The following MYO6 variants were observed in gnomAD, a reference collection of about 807,000 sequenced individuals.
MYO6 encodes the protein myosin VI, also known as unconventional myosin-VI.
MYO6 carries 74 observed loss-of-function variants against 178.7 expected under a neutral mutation model. The ratio of observed to expected loss-of-function variants is 0.41; its 90% CI spans 0.34 to 0.50. The LOEUF (loss-of-function observed/expected upper bound fraction) is 0.50. MYO6 is among the 20% of genes least tolerant of loss of function. MYO6 has a pLI of 0.09. For missense variants in MYO6, 1,330 were observed against 1,547.4 expected (o/e 0.86, Z 2.36); for synonymous variants, 477 against 504.6 (o/e 0.95, Z 0.73).
At chr6:75,869,131 T>C (rs1303881910) in intron 18 of MYO6, among the ~76,000 whole-genome samples, 1 of 143,142 alleles carries the variant, frequency 7.0e-6, no homozygotes, top group African/African-American at 2.7e-5. Flanking sequence ...GATGAAGGAG[T>C]CTGGACTTTG....
chr6:75,820,846 T>C (rs919689543), intron 2 of MYO6, among the ~76,000 whole-genome samples: 3 of 152,134 alleles, frequency 2.0e-5, no homozygotes, highest in Non-Finnish European at 4.4e-5. Flanking sequence ...TTAGCTTTCC[T>C]TTACTCTTTG....
chr6:75,847,402 G>C (rs1274880133), intron 10 of MYO6, among the ~76,000 whole-genome samples: 1 of 152,036 alleles, frequency 6.6e-6, no homozygotes, highest in Non-Finnish European at 1.5e-5. Flanking sequence ...TCATGATCCT[G>C]TTATTTAATG....
At chr6:75,830,297 G>C in intron 4 of MYO6, 119 bp from the exon 5 acceptor site, 1 of 824,606 alleles carries the variant, frequency 1.2e-6, no homozygotes, top group Admixed American at 2.2e-5. Context: ...GACTGATTTG[G>C]GAGTCTTAGT....
chr6:75,868,653 T>C (rs921718350), intron 18 of MYO6, among the ~76,000 whole-genome samples: 1 of 152,116 alleles, frequency 6.6e-6, no homozygotes, highest in African/African-American at 2.4e-5. Context: ...TACCTTGAAA[T>C]GAAATAGGAA....
intron 1 of MYO6, among the ~76,000 whole-genome samples, chr6:75,750,369 A>G (rs920136607): frequency 1.3e-5 from 2 of 152,120 alleles, no homozygotes; most frequent in African/African-American, 2.4e-5. Flanking sequence ...TGCTGGGATT[A>G]CAGGCGTGAG....
chr6:75,802,777 G>A (rs1277892140), intron 1 of MYO6, among the ~76,000 whole-genome samples: 1 of 152,094 alleles, frequency 6.6e-6, no homozygotes, highest in African/African-American at 2.4e-5. Context: ...ATGAGCCACT[G>A]CACCTGGTGG....
intron 9 of MYO6, among the ~76,000 whole-genome samples, chr6:75,841,935 A>C (rs569777992): frequency 3.9e-5 from 6 of 152,208 alleles, no homozygotes; most frequent in Non-Finnish European, 7.3e-5. Flanking sequence ...GTTAAACCCT[A>C]CGTCAATTTA....
chr6:75,779,222 C>T (rs928300756), intron 1 of MYO6, among the ~76,000 whole-genome samples: 52 of 152,042 alleles, frequency 3.4e-4, no homozygotes, highest in African/African-American at 1.3e-3. Context: ...AAAAACGAGG[C>T]CGGGTGCAGT....
chr6:75,908,867 T>A (rs1204790060), intron 32 of MYO6, among the ~76,000 whole-genome samples: 1 of 152,112 alleles, frequency 6.6e-6, no homozygotes, highest in African/African-American at 2.4e-5. Flanking sequence ...AAGAATTTTC[T>A]TGTCTGAAGA....
chr6:75,753,830 T>G (rs1053597153), intron 1 of MYO6, among the ~76,000 whole-genome samples: 2 of 152,176 alleles, frequency 1.3e-5, no homozygotes, highest in Non-Finnish European at 2.9e-5. Flanking sequence ...ATTTGACAAA[T>G]TTGAGTGGAC....
chr6:75,801,596 G>A (rs1409729384), intron 1 of MYO6, among the ~76,000 whole-genome samples: 4 of 152,074 alleles, frequency 2.6e-5, no homozygotes, highest in Non-Finnish European at 5.9e-5. Context: ...TGTCTTCAAA[G>A]CATGTTGTGG....
chr6:75,759,728 A>G (rs1389017064), intron 1 of MYO6, among the ~76,000 whole-genome samples: 3 of 152,226 alleles, frequency 2.0e-5, no homozygotes, highest in Non-Finnish European at 4.4e-5. Context: ...AACTTGTAGC[A>G]TTGTGATACA....
At chr6:75,753,465 A>ATATATATG (rs1777076193) in intron 1 of MYO6, among the ~76,000 whole-genome samples, 1 of 149,426 alleles carries the variant, frequency 6.7e-6, no homozygotes, top group African/African-American at 2.5e-5. Context: ...GTATATATAT[A>ATATATATG]TATATATATA....
chr6:75,819,532 A>G (rs560782987), intron 2 of MYO6, among the ~76,000 whole-genome samples: 3 of 152,326 alleles, frequency 2.0e-5, no homozygotes, highest in East Asian at 3.9e-4. Flanking sequence ...CTTGATAGCA[A>G]TGGCTTTTCA....
intron 2 of MYO6, among the ~76,000 whole-genome samples, chr6:75,819,844 A>G (rs1481958469): frequency 6.6e-6 from 1 of 152,228 alleles, no homozygotes; most frequent in Non-Finnish European, 1.5e-5. Flanking sequence ...GCTTGAGCTC[A>G]GGAATTTGAG....
chr6:75,898,157 T>G (rs1268336533), intron 29 of MYO6, among the ~76,000 whole-genome samples: 1 of 152,210 alleles, frequency 6.6e-6, no homozygotes, highest in Non-Finnish European at 1.5e-5. Context: ...GGAGAGACAT[T>G]CAAATAACTT....
At chr6:75,863,938 G>A (rs1312330901) in intron 16 of MYO6, among the ~76,000 whole-genome samples, 2 of 152,114 alleles carry the variant, frequency 1.3e-5, no homozygotes, top group East Asian at 1.9e-4. Context: ...GTTACCTGAG[G>A]TAATAAAAGC....
chr6:75,900,072 T>A (rs2149392327), intron 30 of MYO6, among the ~76,000 whole-genome samples: 1 of 152,088 alleles, frequency 6.6e-6, no homozygotes, highest in Non-Finnish European at 1.5e-5. Flanking sequence ...AACTCATCAT[T>A]TTTTATGGCT....
At chr6:75,881,509 G>A (rs184109000) in intron 22 of MYO6, among the ~76,000 whole-genome samples, 180 bp from the exon 23 acceptor site, 61 of 147,746 alleles carry the variant, frequency 4.1e-4, no homozygotes, top group African/African-American at 1.4e-3. Flanking sequence ...AGAAAGAAAG[G>A]AAGCAAAACG....
Sources: gnomAD v4.1 joint callset for allele counts (sites outside exome capture counted in the v4.1 genomes callset) on GRCh38, gnomAD v4.1.1 for gene constraint, MANE v1.5 for transcripts, NCBI Gene and HGNC (gene_info 2026-07-23, HGNC 2026-07-21) for gene names.